The following TM4SF18 variants were observed in gnomAD, a reference collection of about 807,000 sequenced individuals.
The protein encoded by TM4SF18 is transmembrane 4 L6 family member 18.
A neutral mutation model predicts 23.8 loss-of-function variants in TM4SF18; 22 were observed. The observed-to-expected ratio is 0.92, with a 90% CI of 0.66 to 1.32. TM4SF18 has a LOEUF of 1.32. Ranked by LOEUF, TM4SF18 falls within the 40% of genes most tolerant of loss-of-function variation. TM4SF18 has a pLI of 0.00. For missense variants in TM4SF18, 255 were observed against 240.3 expected (o/e 1.06, Z -0.41); for synonymous variants, 87 against 87.9 (o/e 0.99, Z 0.06).
At chr3:149,324,774 G>T in intron 4 of TM4SF18, 106 bp downstream of exon 4, 5 of 1,438,910 alleles carry the variant, frequency 3.5e-6, no homozygotes, top group Admixed American at 4.0e-5. Flanking sequence ...CACTAAAACA[G>T]CCACATGGAA....
chr3:149,323,871 G>A (rs1194268920), intron 4 of TM4SF18, among the ~76,000 whole-genome samples: 1 of 152,162 alleles, frequency 6.6e-6, no homozygotes, highest in Non-Finnish European at 1.5e-5. Context: ...GGATATGCAA[G>A]TAGGAGAGAC....
chr3:149,322,505 T>A, intron 4 of TM4SF18, 69 bp from the exon 5 acceptor site: 1 of 1,378,328 alleles, frequency 7.3e-7, no homozygotes, highest in Non-Finnish European at 1.0e-6. Context: ...TTTGTATGTT[T>A]GAGAAATTAC....
rs574307686 is a variant in TM4SF18 at position 149,319,924 on chromosome 3, C to T, written c.*1554G>A. 1 of 152,264 alleles carries T rather than the reference C, an allele frequency of 6.6e-6. No homozygotes were observed. Among genetic ancestry groups the T allele is most frequent in the Non-Finnish European group, 1.5e-5 (1 of 68,072 alleles). The allele number at this position is 152,264 out of a possible 1,614,324, so 9.4% of individuals were successfully genotyped here. A position where few individuals can be genotyped will look rare whatever the true frequency, so the allele number is the denominator to read the frequency against. Reference sequence around the variant, plus strand: ...GCCATTAGCAAGACAATAGGCTGCCCATGACTCTGGGGCCTGCCCCAGTTC... The same window carrying T: ...GCCATTAGCAAGACAATAGGCTGCCTATGACTCTGGGGCCTGCCCCAGTTC... On this transcript the variant is annotated 3_prime_UTR_variant, in exon 6 of 6. Coordinates refer to ENST00000296059, the MANE Select transcript of TM4SF18 (RefSeq NM_138786.4).
Position 149,331,407 on chromosome 3 carries a change from A to C in TM4SF18, c.178-988T>G, listed in dbSNP as rs143055205. 7.4e-3 allele frequency among the ~76,000 whole-genome samples: 1,134 copies of C among 152,326 alleles called. 14 individuals are homozygous for C. The highest frequency in any genetic ancestry group is 0.026 in the African/African-American group (1,063 of 41,578). On this transcript the variant is annotated intron_variant, in intron 2 of 5. Coordinates refer to ENST00000296059, the MANE Select transcript of TM4SF18 (RefSeq NM_138786.4). ...TAGTTTTAATTTTTACATGGAATATAAGCAAAAGAGTCCTATATTCCCCTC... is the reference window on the plus strand; with the variant it reads ...TAGTTTTAATTTTTACATGGAATATCAGCAAAAGAGTCCTATATTCCCCTC...
chr3:149,323,275 TACAA>T (rs1730857407), intron 4 of TM4SF18, among the ~76,000 whole-genome samples: 2 of 152,288 alleles, frequency 1.3e-5, no homozygotes, highest in South Asian at 2.1e-4. Flanking sequence ...AGAATGTGTA[TACAA>T]ACAGTTTGGA....
rs922231422 is a variant in TM4SF18, at chr3:149,318,691, A to T, written c.*2787T>A. On this transcript the variant is annotated 3_prime_UTR_variant, in exon 6 of 6. Coordinates refer to ENST00000296059, the MANE Select transcript of TM4SF18 (RefSeq NM_138786.4). ...TTCAGCCTATAGCATCTGGTCTCCC[A>T]TCCAAGTAATAACCTGGATCAATCC... is the stretch of plus-strand genomic sequence containing the variant. The T allele has an allele frequency of 6.6e-6, 1 of 152,198 alleles. No homozygotes were observed. The highest frequency in any genetic ancestry group is 6.5e-5 in the Admixed American group (1 of 15,284). 9.4% of individuals were successfully genotyped at this position (152,198 alleles called of 1,614,324 possible).
chr3:149,330,158 G>A (rs1391097105), intron 3 of TM4SF18, 172 bp downstream of exon 3: 1 of 398,520 alleles, frequency 2.5e-6, no homozygotes, highest in Non-Finnish European at 4.5e-6. Flanking sequence ...TAGAACAAAA[G>A]TGGAGGAAAG....
At chr3:149,329,013 A>G (rs756492808) in intron 3 of TM4SF18, among the ~76,000 whole-genome samples, 2 of 152,158 alleles carry the variant, frequency 1.3e-5, no homozygotes, top group Non-Finnish European at 2.9e-5. Flanking sequence ...TACACTTAAT[A>G]TCACATATAT....
chr3:149,331,284 A>G (rs1268990941), intron 2 of TM4SF18, among the ~76,000 whole-genome samples: 1 of 152,150 alleles, frequency 6.6e-6, no homozygotes, highest in Non-Finnish European at 1.5e-5. Flanking sequence ...ATTTACCTAT[A>G]TTCTTCTCCT....
At chr3:149,329,580 T>C (rs1731045307) in intron 3 of TM4SF18, among the ~76,000 whole-genome samples, 1 of 152,184 alleles carries the variant, frequency 6.6e-6, no homozygotes, top group Non-Finnish European at 1.5e-5. Context: ...AATGACTTAA[T>C]TCACTGAGTA....
intron 3 of TM4SF18, among the ~76,000 whole-genome samples, chr3:149,326,756 C>T (rs756665923): frequency 3.9e-5 from 6 of 152,236 alleles, no homozygotes; most frequent in African/African-American, 9.6e-5. Context: ...TCCATAAATG[C>T]GATTATTCTT....
chr3:149,333,175 T>C, intron 2 of TM4SF18, 31 bp downstream of exon 2: 2 of 1,583,306 alleles, frequency 1.3e-6, no homozygotes, highest in Non-Finnish European at 1.7e-6. Flanking sequence ...CAACTCCCCC[T>C]TCTCTCCCAA....
chr3:149,333,322 T>C lies in TM4SF18; in HGVS notation c.61A>G (p.Ser21Gly). ...TACAATAATATGTTCACGATTATAC[T>C]CCAAAGTGCAAGCGGAATCAGCAAA... ...SCLLIPLALW[S>G]IIVNILLYFP... Residue 21 changes from serine (S) to glycine (G), a missense_variant, in exon 2 of 6, where the codon AGT becomes GGT. Coordinates refer to ENST00000296059, the MANE Select transcript of TM4SF18 (RefSeq NM_138786.4). 1 of 1,613,716 alleles carries C rather than the reference T, an allele frequency of 6.2e-7. No individual in the cohort carries two copies. The highest frequency in any genetic ancestry group is 1.7e-4 in the Middle Eastern group (1 of 6,058).
intron 3 of TM4SF18, among the ~76,000 whole-genome samples, chr3:149,325,362 T>TA (rs2108360544): frequency 6.6e-6 from 1 of 152,330 alleles, no homozygotes; most frequent in African/African-American, 2.4e-5. Context: ...ATTGAAGACC[T>TA]GTTATTTTCT....
rs960993921 is a variant in TM4SF18, at chr3:149,319,023, G to A, written c.*2455C>T. 1 of 151,928 alleles carries A rather than the reference G, an allele frequency of 6.6e-6. No homozygotes were observed. Among genetic ancestry groups the A allele is most frequent in the Non-Finnish European group, 1.5e-5 (1 of 68,020 alleles). 9.4% of individuals were successfully genotyped at this position (151,928 alleles called of 1,614,324 possible). On this transcript the variant is annotated 3_prime_UTR_variant, in exon 6 of 6. Coordinates refer to ENST00000296059, the MANE Select transcript of TM4SF18 (RefSeq NM_138786.4). ...ATACTCTTCAAATATAGAATATTTG[G>A]TGGCTGTGTTAAAATTTAATTTTCC... is the stretch of plus-strand genomic sequence containing the variant.
At chr3:149,322,117 T>C (rs1413544604) in intron 5 of TM4SF18, 139 bp downstream of exon 5, 11 of 705,066 alleles carry the variant, frequency 1.6e-5, no homozygotes, top group Non-Finnish European at 2.3e-5. Context: ...AATTGAGATA[T>C]TAGAGCTTGA....
At chr3:149,323,641 T>C (rs371943620) in intron 4 of TM4SF18, among the ~76,000 whole-genome samples, 1 of 152,252 alleles carries the variant, frequency 6.6e-6, no homozygotes, top group East Asian at 1.9e-4. Context: ...TCTTCATAAG[T>C]TGAGGATGTA....
At chr3:149,324,683 A>C (rs903571493) in intron 4 of TM4SF18, 197 bp downstream of exon 4, 1 of 639,246 alleles carries the variant, frequency 1.6e-6, no homozygotes, top group African/African-American at 1.8e-5. Context: ...TGGCATTAAA[A>C]GACTGAAGAA....
chr3:149,333,056 T>A, intron 2 of TM4SF18, 150 bp downstream of exon 2: 1 of 732,314 alleles, frequency 1.4e-6, no homozygotes, highest in African/African-American at 1.8e-5. Flanking sequence ...TGCCAGCAGA[T>A]TACCTGCCCC....
Sources: allele counts gnomAD v4.1 joint callset (sites outside exome capture counted in the v4.1 genomes callset), GRCh38; gene constraint gnomAD v4.1.1; transcripts MANE v1.5; gene names NCBI Gene and HGNC (gene_info 2026-07-23, HGNC 2026-07-21).